PTPRK: variants seen among roughly 807,000 people sequenced by gnomAD.
The protein encoded by PTPRK is receptor-type tyrosine-protein phosphatase kappa.
PTPRK carries 75 observed loss-of-function variants against 178.0 expected under a neutral mutation model. That is an observed-to-expected ratio of 0.42 (90% CI 0.35 to 0.51). The LOEUF (loss-of-function observed/expected upper bound fraction) is 0.51. PTPRK is among the 20% of genes least tolerant of loss of function. PTPRK has a pLI of 0.02. For synonymous variants in PTPRK, 637 were observed against 620.6 expected (o/e 1.03, Z -0.39); for missense variants, 1,441 against 1,797.8 (o/e 0.80, Z 3.59).
At chr6:128,469,228 A>G (rs1283808947) in intron 1 of PTPRK, among the ~76,000 whole-genome samples, 1 of 152,232 alleles carries the variant, frequency 6.6e-6, no homozygotes, top group Non-Finnish European at 1.5e-5. Context: ...ATCAAGAAAC[A>G]AAAGGTTAGC....
chr6:128,240,662 C>T (rs1814252836), intron 4 of PTPRK, among the ~76,000 whole-genome samples: 1 of 152,118 alleles, frequency 6.6e-6, no homozygotes, highest in African/African-American at 2.4e-5. Flanking sequence ...CCCTCTACAG[C>T]ACTTCAAAGA....
intron 13 of PTPRK, among the ~76,000 whole-genome samples, chr6:128,058,735 T>A (rs886495341): frequency 1.3e-5 from 2 of 152,044 alleles, no homozygotes; most frequent in Non-Finnish European, 2.9e-5. Context: ...TGTTTAAATT[T>A]TTTTTTTCTG....
At chr6:128,394,193 A>G (rs972374876) in intron 2 of PTPRK, among the ~76,000 whole-genome samples, 10 of 152,202 alleles carry the variant, frequency 6.6e-5, no homozygotes, top group Non-Finnish European at 1.5e-4. Flanking sequence ...TATTGTATAA[A>G]GCAATGGTTC....
At chr6:128,172,002 T>TTGAAAATC in intron 7 of PTPRK, among the ~76,000 whole-genome samples, 1 of 151,962 alleles carries the variant, frequency 6.6e-6, no homozygotes, top group Non-Finnish European at 1.5e-5. Context: ...GGAGAATGTT[T>TTGAAAATC]TGAAAATCTT....
chr6:128,416,539 C>G (rs558175652), intron 1 of PTPRK, among the ~76,000 whole-genome samples: 9 of 150,118 alleles, frequency 6.0e-5, no homozygotes, highest in Non-Finnish European at 1.3e-4. Flanking sequence ...CCCAGCTACT[C>G]GGGAGGGCTG....
chr6:128,191,274 T>G (rs1803741544), intron 6 of PTPRK, among the ~76,000 whole-genome samples: 1 of 152,158 alleles, frequency 6.6e-6, no homozygotes, highest in South Asian at 2.1e-4. Context: ...GGCTCCCTAC[T>G]GGGGGCAATT....
At chr6:128,312,943 A>C (rs752486867) in intron 3 of PTPRK, among the ~76,000 whole-genome samples, 3 of 152,182 alleles carry the variant, frequency 2.0e-5, no homozygotes, top group Non-Finnish European at 4.4e-5. Context: ...GTGTTTTTAA[A>C]GAAACATTAA....
At chr6:127,983,201 T>A (rs1775561126) in intron 23 of PTPRK, 41 bp downstream of exon 23, 6 of 1,489,142 alleles carry the variant, frequency 4.0e-6, no homozygotes, top group Non-Finnish European at 4.5e-6. Context: ...GCAAAAAAAA[T>A]AAAAAATAAA....
chr6:128,190,978 G>A (rs552020520), intron 6 of PTPRK, among the ~76,000 whole-genome samples: 2 of 152,118 alleles, frequency 1.3e-5, no homozygotes, highest in South Asian at 2.1e-4. Context: ...ATGAAAATTC[G>A]ATTGGTGTCT....
At chr6:128,183,904 T>C (rs1319745848) in intron 7 of PTPRK, among the ~76,000 whole-genome samples, 2 of 152,200 alleles carry the variant, frequency 1.3e-5, no homozygotes, top group Non-Finnish European at 2.9e-5. Flanking sequence ...TCTCTCTGTG[T>C]TCTGCAGCTG....
At chr6:128,178,325 C>T (rs1193342352) in intron 7 of PTPRK, among the ~76,000 whole-genome samples, 2 of 151,694 alleles carry the variant, frequency 1.3e-5, no homozygotes, top group Admixed American at 6.6e-5. Flanking sequence ...CTGCGTGTGG[C>T]GATGTGTACA....
At chr6:128,009,580 A>C (rs2114720104) in intron 13 of PTPRK, among the ~76,000 whole-genome samples, 1 of 151,364 alleles carries the variant, frequency 6.6e-6, no homozygotes, top group East Asian at 2.0e-4. Flanking sequence ...TCTAGCAACT[A>C]GTACATTGGA....
chr6:128,418,375 G>A (rs983706848), intron 1 of PTPRK, among the ~76,000 whole-genome samples: 2 of 152,186 alleles, frequency 1.3e-5, no homozygotes, highest in East Asian at 1.9e-4. Flanking sequence ...TTAGGAACCC[G>A]GCTGCACAGC....
chr6:128,030,907 C>A (rs1428860451), intron 13 of PTPRK, among the ~76,000 whole-genome samples: 1 of 152,118 alleles, frequency 6.6e-6, no homozygotes, highest in Non-Finnish European at 1.5e-5. Flanking sequence ...ATGATTGAAC[C>A]ATAGCATTCA....
intron 5 of PTPRK, among the ~76,000 whole-genome samples, chr6:128,231,356 A>G (rs905289069): frequency 2.0e-5 from 3 of 152,244 alleles, no homozygotes; most frequent in Non-Finnish European, 2.9e-5. Flanking sequence ...CAGTGTATAC[A>G]TGGCAAAATC....
At chr6:128,063,482 A>T (rs1781219010) in intron 13 of PTPRK, 2 of 152,238 alleles carry the variant, frequency 1.3e-5, no homozygotes, top group African/African-American at 4.8e-5. Flanking sequence ...AGAACTTCAG[A>T]GGTCAATGTG....
chr6:127,985,494 T>C (rs973547759), intron 22 of PTPRK, among the ~76,000 whole-genome samples: 3 of 152,236 alleles, frequency 2.0e-5, no homozygotes, highest in Admixed American at 6.5e-5. Context: ...ATACTTTAAA[T>C]TGTGGATAAC....
intron 1 of PTPRK, among the ~76,000 whole-genome samples, chr6:128,421,113 G>T (rs1843427009): frequency 6.6e-6 from 1 of 152,092 alleles, no homozygotes. Flanking sequence ...AAATCTGACA[G>T]ATATATTTTT....
In PTPRK at chr6:128,315,342, C is replaced by A. The variant is rs548527716; in HGVS notation, c.495+6697G>T. On this transcript the variant is annotated intron_variant, in intron 3 of 29. Coordinates refer to ENST00000368226, the MANE Select transcript of PTPRK (RefSeq NM_002844.4). The stretch of plus-strand genomic sequence containing the variant: ...TTTGACTATAGACCTTATTTTTAAA[C>A]ATAAAATGTGAACTGATTTACTGCT... Among the ~76,000 whole-genome samples, 11 of 152,094 alleles carry A rather than the reference C, an allele frequency of 7.2e-5. No individual in the cohort carries two copies. The South Asian group carries it at 2.1e-3, about 29-fold the overall frequency.
Sources: gnomAD v4.1 joint callset for allele counts (sites outside exome capture counted in the v4.1 genomes callset) on GRCh38, gnomAD v4.1.1 for gene constraint, MANE v1.5 for transcripts, NCBI Gene and HGNC (gene_info 2026-07-23, HGNC 2026-07-21) for gene names.